Variants in PRKCE observed in about 807,000 individuals in gnomAD.
PRKCE encodes protein kinase C epsilon type.
A neutral mutation model predicts 85.4 loss-of-function variants in PRKCE; 16 were observed. The observed-to-expected ratio is 0.19, with a 90% confidence interval of 0.13 to 0.28. The LOEUF is 0.28. Among genes scored for constraint, PRKCE ranks in the 10% least tolerant of loss-of-function variants. The probability of loss-of-function intolerance (pLI) is 1.00; values close to 1 mark genes in which losing one functional copy is unlikely to be tolerated. For synonymous variants in PRKCE, 388 were observed against 371.5 expected (o/e 1.04, Z -0.51); for missense variants, 573 against 975.2 (o/e 0.59, Z 5.49).
At chr2:46,063,523 T>A (rs551494839) in intron 10 of PRKCE, among the ~76,000 whole-genome samples, 7 of 152,342 alleles carry the variant, frequency 4.6e-5, no homozygotes, top group African/African-American at 1.7e-4. Flanking sequence ...ATGGTTTCTG[T>A]GGTCTGGGCC....
At chr2:46,167,793 G>A (rs992362741) in intron 14 of PRKCE, 6 of 121,010 alleles carry the variant, frequency 5.0e-5, no homozygotes, top group Non-Finnish European at 9.6e-5. Flanking sequence ...TGCTTACCAC[G>A]TTGACGTTCG....
At chr2:45,760,848 C>T (rs995835719) in intron 1 of PRKCE, among the ~76,000 whole-genome samples, 1 of 152,092 alleles carries the variant, frequency 6.6e-6, no homozygotes, top group Admixed American at 6.5e-5. Flanking sequence ...GCTGAGTGTC[C>T]TGGTGTCCAG....
At position 45,774,946 on chromosome 2, in the gene PRKCE, G is replaced by T. The variant is rs963805542; in HGVS notation, c.349-68054G>T. Among the ~76,000 whole-genome samples the T allele has an allele frequency of 6.7e-6, 1 of 150,372 alleles. No individual in the cohort carries two copies. Among genetic ancestry groups the T allele is most frequent in the Non-Finnish European group, 1.5e-5 (1 of 67,818 alleles). On this transcript the variant is annotated intron_variant, in intron 1 of 14. Transcript: ENST00000306156. This position sits in a 1 kb window ranked among gnomAD's most constrained non-coding sequence, Gnocchi z 4.3. ...GGTGAAGGAAGTTGTTTTTCTTAAT[G>T]GTAAACAGGATAGTAAAATGACAAT...
At chr2:45,989,154 T>C (rs1703592290) in intron 6 of PRKCE, among the ~76,000 whole-genome samples, 1 of 152,120 alleles carries the variant, frequency 6.6e-6, no homozygotes, top group African/African-American at 2.4e-5. Context: ...AAGCCCTGCT[T>C]TTTCTCATCC....
At chr2:45,689,082 A>G (rs1409904645) in intron 1 of PRKCE, among the ~76,000 whole-genome samples, 1 of 152,268 alleles carries the variant, frequency 6.6e-6, no homozygotes, top group Non-Finnish European at 1.5e-5. Context: ...AGCAAACCTC[A>G]TAAAAGAAGA....
intron 1 of PRKCE, among the ~76,000 whole-genome samples, chr2:45,767,115 C>T (rs140923466): frequency 1.3e-5 from 2 of 151,930 alleles, no homozygotes; most frequent in East Asian, 1.9e-4. Context: ...TTGGTCTTTG[C>T]GTTTGCTTCC....
intron 10 of PRKCE, among the ~76,000 whole-genome samples, chr2:46,018,895 G>T (rs1706400390): frequency 6.6e-6 from 1 of 152,234 alleles, no homozygotes; most frequent in Non-Finnish European, 1.5e-5. Context: ...GTTGCAGGTG[G>T]CTGGTAAGTG....
At chr2:45,661,096 G>C (rs1228928792) in intron 1 of PRKCE, among the ~76,000 whole-genome samples, 1 of 152,160 alleles carries the variant, frequency 6.6e-6, no homozygotes, top group Non-Finnish European at 1.5e-5. Flanking sequence ...TTAGTGAAAA[G>C]TCACCTGTAT....
chr2:45,962,908 A>T (rs779452892), intron 2 of PRKCE, among the ~76,000 whole-genome samples: 1 of 151,942 alleles, frequency 6.6e-6, no homozygotes, highest in African/African-American at 2.4e-5. Context: ...CCCTCTCTCC[A>T]TGTGCAGAGT....
At position 45,736,762 on chromosome 2, in the gene PRKCE, T is replaced by C. The variant is rs535620173; in HGVS notation, c.348+84314T>C. Among the ~76,000 whole-genome samples the C allele has an allele frequency of 3.6e-4, 55 of 152,308 alleles. 2 individuals carry two copies. The South Asian group carries it at 0.011, about 31-fold the overall frequency. On this transcript the variant is annotated intron_variant, in intron 1 of 14. Transcript: ENST00000306156. ...CCTTCCTTGAGCATCCTCCAGTAGA[T>C]GTGAAGGACATTTCTGTGGGAAGAA...
intron 1 of PRKCE, among the ~76,000 whole-genome samples, chr2:45,762,071 C>G (rs1684556125): frequency 6.6e-6 from 1 of 152,140 alleles, no homozygotes; most frequent in South Asian, 2.1e-4. Context: ...TTCAGCCACT[C>G]TCTAGGGGAG....
chr2:45,752,072 C>T (rs1683621362), intron 1 of PRKCE, among the ~76,000 whole-genome samples: 2 of 151,448 alleles, frequency 1.3e-5, no homozygotes, highest in Admixed American at 1.3e-4. Context: ...CCGCCTCGGC[C>T]TTCCAAAGTG....
At position 46,139,235 on chromosome 2, in the gene PRKCE, TA is replaced by T. The variant is rs1198203615; in HGVS notation, c.1593-5855del. ...AGTATAAATACTAAAAAGGAAGAGG[TA>T]AATTAATCATTAATAGCAGACAATT... On this transcript the variant is annotated intron_variant, in intron 11 of 14. Transcript: ENST00000306156. The surrounding 1 kb of genome is among the most constrained non-coding windows in gnomAD (Gnocchi z 5.2). Among the ~76,000 whole-genome samples, 2 of 152,106 alleles carry T rather than the reference TA, an allele frequency of 1.3e-5. No homozygotes were observed. Among genetic ancestry groups the T allele is most frequent in the Non-Finnish European group, 2.9e-5 (2 of 68,032 alleles).
At chr2:45,854,242 C>A (rs1692501278) in intron 2 of PRKCE, among the ~76,000 whole-genome samples, 1 of 152,160 alleles carries the variant, frequency 6.6e-6, no homozygotes. Context: ...CACCATCCTA[C>A]CATTCTGACT....
chr2:46,047,106 A>G (rs1708572063), intron 10 of PRKCE, among the ~76,000 whole-genome samples: 2 of 152,188 alleles, frequency 1.3e-5, no homozygotes, highest in African/African-American at 2.4e-5. Context: ...ATCCAATGGC[A>G]TCTTGTTCCT....
At chr2:45,932,308 A>G (rs1699105985) in intron 2 of PRKCE, among the ~76,000 whole-genome samples, 1 of 152,234 alleles carries the variant, frequency 6.6e-6, no homozygotes, top group Non-Finnish European at 1.5e-5. Flanking sequence ...TATCCGTTCT[A>G]TAACTGATGG....
intron 2 of PRKCE, among the ~76,000 whole-genome samples, chr2:45,851,206 G>A (rs1692226391): frequency 6.6e-6 from 1 of 152,208 alleles, no homozygotes; most frequent in African/African-American, 2.4e-5. Context: ...TAGTGCCACG[G>A]CCCACTGAAG....
chr2:45,798,990 AC>A lies in PRKCE; in HGVS notation c.349-44006del, dbSNP rs1234771366. The stretch of plus-strand genomic sequence containing the variant: ...AGACCATCCTGGCTAACATGGTGAA[AC>A]CCCGTCTCTACTAAAAATACAAAAA... On this transcript the variant is annotated intron_variant, in intron 1 of 14. Transcript: ENST00000306156. 2.0e-5 allele frequency among the ~76,000 whole-genome samples: 3 copies of A among 151,984 alleles called. No individual in the cohort carries two copies. In the East Asian group the frequency reaches 5.8e-4, roughly 29 times the overall value.
chr2:46,127,962 T>A (rs939709776), intron 11 of PRKCE, among the ~76,000 whole-genome samples: 1 of 152,172 alleles, frequency 6.6e-6, no homozygotes, highest in African/African-American at 2.4e-5. Context: ...GCCTCAAAAG[T>A]CACAGGAGTA....
Sources: gnomAD v4.1 joint callset for allele counts (sites outside exome capture counted in the v4.1 genomes callset) on GRCh38, gnomAD v4.1.1 for gene constraint, Gnocchi (gnomAD v3.1) non-coding constraint, MANE v1.5 for transcripts, NCBI Gene and HGNC (gene_info 2026-07-23, HGNC 2026-07-21) for gene names.